AP4S1: variants seen among roughly 807,000 people sequenced by gnomAD.
AP4S1 encodes adaptor related protein complex 4 subunit sigma 1.
A neutral mutation model predicts 19.8 loss-of-function variants in AP4S1; 23 were observed. That is an observed-to-expected ratio of 1.16 (90% CI 0.84 to 1.65). The LOEUF is 1.65. Among genes scored for constraint, AP4S1 ranks in the 40% most tolerant of loss-of-function variants. AP4S1 has a pLI of 0.00. For synonymous variants in AP4S1, 46 were observed against 54.1 expected (o/e 0.85, Z 0.66); for missense variants, 166 against 172.8 (o/e 0.96, Z 0.22).
Position 31,080,554 on chromosome 14 carries a change from C to T in AP4S1, c.295-19C>T, listed in dbSNP as rs373055532. On this transcript the variant is annotated intron_variant, in intron 4 of 5. Transcript: ENST00000542754. ...CAGTGTCTTTTTTCTAACCCTTGCA[C>T]TCTTTTTCTGTCTTCCAGAGTGAAT... 2 of 1,605,358 alleles carry T rather than the reference C, an allele frequency of 1.2e-6. No individual in the cohort carries two copies. The highest frequency in any genetic ancestry group is 2.7e-5 in the African/African-American group (2 of 74,852).
intron 1 of AP4S1, among the ~76,000 whole-genome samples, chr14:31,049,945 G>A (rs1885688500): frequency 6.6e-6 from 1 of 151,474 alleles, no homozygotes; most frequent in Non-Finnish European, 1.5e-5. Flanking sequence ...TGGTTTTGGA[G>A]GAGTCTCCCT....
In AP4S1 at chr14:31,026,386, C is replaced by G. The variant is rs1043144012; in HGVS notation, c.-72+599C>G. The G allele has an allele frequency of 1.8e-4, 67 of 367,616 alleles. No homozygotes were observed. In the East Asian group the frequency reaches 3.2e-3, roughly 17 times the overall value. 22.8% of individuals were successfully genotyped at this position (367,616 alleles called of 1,614,324 possible). A position where few individuals can be genotyped will look rare whatever the true frequency, so the allele number is the denominator to read the frequency against. ...TACAATCCCTCCTCCATCTGCCCGT[C>G]TCACTCACTCACTTTAGGGGAAGGG... On this transcript the variant is annotated intron_variant, in intron 1 of 5. Coordinates refer to ENST00000542754, the MANE Select transcript of AP4S1 (RefSeq NM_001128126.3).
At chr14:31,085,070 C>T (rs1321320107) in intron 5 of AP4S1, 1 of 1,420,202 alleles carries the variant, frequency 7.0e-7, no homozygotes, top group African/African-American at 1.4e-5. Context: ...GCAGTACTGC[C>T]TTCAGGCCTG....
At chr14:31,035,638 CTT>C (rs59967096) in intron 1 of AP4S1, among the ~76,000 whole-genome samples, 51 of 133,412 alleles carry the variant, frequency 3.8e-4, no homozygotes, top group Admixed American at 5.2e-4. Flanking sequence ...GTTTTTAGGT[CTT>C]TTTTTTTTTT....
Position 31,085,708 on chromosome 14 carries a change from G to A in AP4S1, c.306+5124G>A, listed in dbSNP as rs1887892767. ...GGATCACTTGAGCCTGGGGGACTGA[G>A]GCTGCAGTGAGCCATGATTGTGCTA... is the stretch of plus-strand genomic sequence containing the variant. On this transcript the variant is annotated intron_variant, in intron 5 of 5. Transcript: ENST00000542754. The A allele has an allele frequency of 6.9e-6, 5 of 719,696 alleles. No homozygotes were observed. The African/African-American group carries it at 7.7e-5, about 11-fold the overall frequency. The allele number at this position is 719,696 out of a possible 1,614,324, so 44.6% of individuals were successfully genotyped here.
intron 5 of AP4S1, chr14:31,085,723 T>C (rs1313959617): frequency 1.3e-6 from 1 of 775,676 alleles, no homozygotes; most frequent in Non-Finnish European, 1.6e-6. Flanking sequence ...CAGTGAGCCA[T>C]GATTGTGCTA....
intron 1 of AP4S1, among the ~76,000 whole-genome samples, chr14:31,042,740 AT>A (rs1885177628): frequency 6.6e-6 from 1 of 152,188 alleles, no homozygotes; most frequent in African/African-American, 2.4e-5. Flanking sequence ...AAAATACAGT[AT>A]CCTTTTCAGT....
intron 1 of AP4S1, among the ~76,000 whole-genome samples, chr14:31,065,433 C>T (rs934831489): frequency 6.6e-6 from 1 of 152,008 alleles, no homozygotes; most frequent in African/African-American, 2.4e-5. Context: ...CTTGTACTGC[C>T]GTTGTTTACC....
intron 1 of AP4S1, among the ~76,000 whole-genome samples, chr14:31,050,201 C>T (rs945268698): frequency 2.0e-5 from 3 of 152,142 alleles, no homozygotes; most frequent in Non-Finnish European, 4.4e-5. Flanking sequence ...GGATTACAGG[C>T]GTGAGCCACC....
At chr14:31,075,540 A>G (rs1006039223) in intron 4 of AP4S1, among the ~76,000 whole-genome samples, 1 of 152,132 alleles carries the variant, frequency 6.6e-6, no homozygotes. Context: ...TTGGATATAT[A>G]CCTAATCTAC....
intron 3 of AP4S1, among the ~76,000 whole-genome samples, chr14:31,070,429 T>A (rs1412294403): frequency 2.6e-5 from 4 of 151,906 alleles, no homozygotes; most frequent in African/African-American, 9.7e-5. Context: ...TTATTTTCTT[T>A]TAGAGATGGG....
intron 1 of AP4S1, chr14:31,026,239 G>C: frequency 1.5e-6 from 2 of 1,363,706 alleles, no homozygotes; most frequent in Non-Finnish European, 1.9e-6. Flanking sequence ...GCTGGGGGAA[G>C]GGCCGGAGAG....
chr14:31,034,704 G>A (rs910496066), intron 1 of AP4S1, among the ~76,000 whole-genome samples: 4 of 139,420 alleles, frequency 2.9e-5, no homozygotes, highest in Non-Finnish European at 3.0e-5. Context: ...TGCAACCTCC[G>A]CCTCCCGGGT....
chr14:31,049,356 G>T (rs536083409), intron 1 of AP4S1, among the ~76,000 whole-genome samples: 86 of 145,510 alleles, frequency 5.9e-4, no homozygotes, highest in African/African-American at 2.1e-3. Context: ...AGAGCTGGCA[G>T]TGAGCCGAGA....
At chr14:31,055,386 T>C (rs1234149826) in intron 1 of AP4S1, among the ~76,000 whole-genome samples, 2 of 152,184 alleles carry the variant, frequency 1.3e-5, no homozygotes, top group East Asian at 1.9e-4. Context: ...CTAATCCTTA[T>C]GTAGCACTCG....
At chr14:31,043,578 T>A (rs1885232214) in intron 1 of AP4S1, among the ~76,000 whole-genome samples, 1 of 152,164 alleles carries the variant, frequency 6.6e-6, no homozygotes, top group South Asian at 2.1e-4. Context: ...GTGTTTCACA[T>A]TTTCCTTATC....
intron 1 of AP4S1, among the ~76,000 whole-genome samples, chr14:31,044,625 G>A (rs1182716985): frequency 1.3e-5 from 2 of 151,566 alleles, no homozygotes; most frequent in Non-Finnish European, 2.9e-5. Flanking sequence ...TGGGATTACA[G>A]GCCTAGAACC....
At chr14:31,084,411 A>G (rs1019711484) in intron 5 of AP4S1, among the ~76,000 whole-genome samples, 2 of 152,352 alleles carry the variant, frequency 1.3e-5, no homozygotes, top group East Asian at 1.9e-4. Context: ...TTTTACTTCT[A>G]GTAAGACTGA....
At chr14:31,083,773 G>A (rs1887786170) in intron 5 of AP4S1, 1 of 333,434 alleles carries the variant, frequency 3.0e-6, no homozygotes, top group African/African-American at 2.2e-5. Context: ...GCCTCCCAAA[G>A]TGTTGACATT....
Sources: allele counts gnomAD v4.1 joint callset (sites outside exome capture counted in the v4.1 genomes callset), GRCh38; gene constraint gnomAD v4.1.1; transcripts MANE v1.5; gene names NCBI Gene and HGNC (gene_info 2026-07-23, HGNC 2026-07-21).